The following CKAP5 variants were observed in gnomAD, a reference collection of about 807,000 sequenced individuals.
CKAP5 encodes cytoskeleton-associated protein 5.
Under a neutral mutation model 232.8 loss-of-function variants are expected in CKAP5, and 27 were observed. The ratio of observed to expected loss-of-function variants is 0.12; its 90% confidence interval spans 0.09 to 0.16. The LOEUF (loss-of-function observed/expected upper bound fraction) is 0.16, where lower values mean the gene tolerates loss of function less well. Among genes scored for constraint, CKAP5 ranks in the 10% least tolerant of loss-of-function variants. The pLI is 1.00. For synonymous variants in CKAP5, 785 were observed against 841.1 expected (o/e 0.93, Z 1.16); for missense variants, 1,838 against 2,424.7 (o/e 0.76, Z 5.08).
chr11:46,743,779 G>A lies in CKAP5; in HGVS notation c.*244C>T. On this transcript the variant is annotated 3_prime_UTR_variant, in exon 44 of 44. Coordinates refer to ENST00000529230, the MANE Select transcript of CKAP5 (RefSeq NM_001008938.4). ...TGGGAACTAGACTGAGCAGAGAGGG[G>A]GCAGCTGTTTACAAGTCTGTACACT... The A allele has an allele frequency of 1.9e-6, 1 of 518,354 alleles. No homozygotes were observed. The highest frequency in any genetic ancestry group is 3.5e-6 in the Non-Finnish European group (1 of 287,680). 32.1% of individuals were successfully genotyped at this position (518,354 alleles called of 1,614,324 possible).
intron 9 of CKAP5, among the ~76,000 whole-genome samples, chr11:46,800,667 A>G (rs1346529411): frequency 6.6e-6 from 1 of 152,246 alleles, no homozygotes; most frequent in African/African-American, 2.4e-5. Context: ...TTTTCTTTGA[A>G]TAAGTAAAAC....
intron 18 of CKAP5, among the ~76,000 whole-genome samples, chr11:46,782,027 G>C (rs2065347012): frequency 1.3e-5 from 2 of 152,036 alleles, no homozygotes; most frequent in African/African-American, 4.8e-5. Context: ...GTTTCTCCAT[G>C]TTGGTCAGGC....
rs1165882925 is a variant in CKAP5 at position 46,822,738 on chromosome 11, T to TC, written c.-37-1471dup. On this transcript the variant is annotated intron_variant, in intron 1 of 43. Coordinates refer to ENST00000529230, the MANE Select transcript of CKAP5 (RefSeq NM_001008938.4). ...ACTCCAGCCTGGGCAACAGACTCCG[T>TC]CCCAAAAAAAAAAAAAAAAAAAAAA... Among the ~76,000 whole-genome samples the TC allele has an allele frequency of 7.7e-4, 28 of 36,504 alleles. 1 individual carries two copies. The highest frequency in any genetic ancestry group is 2.1e-3 in the African/African-American group (25 of 12,100). 23.9% of individuals were successfully genotyped at this position (36,504 alleles called of 152,430 possible). A position where few individuals can be genotyped will look rare whatever the true frequency, so the allele number is the denominator to read the frequency against.
intron 34 of CKAP5, 21 bp from the exon 35 acceptor site, chr11:46,759,064 A>G (rs2065134600): frequency 6.2e-7 from 1 of 1,611,608 alleles, no homozygotes; most frequent in Admixed American, 1.7e-5. Context: ...GAACAAAGAG[A>G]AAACTTCAAC....
chr11:46,843,076 GA>G (rs1442763012), intron 1 of CKAP5, among the ~76,000 whole-genome samples: 2 of 151,950 alleles, frequency 1.3e-5, no homozygotes, highest in African/African-American at 4.8e-5. Flanking sequence ...TTGAGCCCAG[GA>G]GTTCAAGACT....
At chr11:46,758,786 G>A (rs1026972125) in intron 35 of CKAP5, 137 bp downstream of exon 35, 13 of 900,152 alleles carry the variant, frequency 1.4e-5, no homozygotes, top group Non-Finnish European at 2.0e-5. Flanking sequence ...AGTGGCACCT[G>A]TGCATTTCTT....
intron 18 of CKAP5, among the ~76,000 whole-genome samples, chr11:46,782,820 C>T (rs1042649966): frequency 1.3e-5 from 2 of 152,146 alleles, no homozygotes; most frequent in African/African-American, 4.8e-5. Context: ...ATAAAGTAAA[C>T]TGTATAAAGT....
At chr11:46,782,154 CTCTA>C (rs1216766008) in intron 18 of CKAP5, among the ~76,000 whole-genome samples, 3 of 151,834 alleles carry the variant, frequency 2.0e-5, no homozygotes, top group Non-Finnish European at 4.4e-5. Flanking sequence ...GTCTCTCTCT[CTCTA>C]TATATATATT....
chr11:46,819,623 T>C (rs1939481808), intron 2 of CKAP5, among the ~76,000 whole-genome samples: 1 of 152,208 alleles, frequency 6.6e-6, no homozygotes, highest in Non-Finnish European at 1.5e-5. Context: ...AATTTACATG[T>C]TATTTGTTTA....
At chr11:46,797,009 A>G in intron 11 of CKAP5, 69 bp from the exon 12 acceptor site, 1 of 1,538,272 alleles carries the variant, frequency 6.5e-7, no homozygotes, top group Non-Finnish European at 8.9e-7. Flanking sequence ...TTTAATTCAG[A>G]CTGATGGTTG....
chr11:46,795,808 A>C (rs1938858749), intron 12 of CKAP5, 32 bp from the exon 13 acceptor site: 11 of 1,574,752 alleles, frequency 7.0e-6, no homozygotes, highest in Non-Finnish European at 7.8e-6. Context: ...AACATCATTA[A>C]GCCCAACTTT....
intron 37 of CKAP5, 33 bp downstream of exon 37, chr11:46,753,277 C>T: frequency 6.5e-7 from 1 of 1,533,934 alleles, no homozygotes; most frequent in Non-Finnish European, 8.8e-7. Flanking sequence ...GCGAGGATGC[C>T]CCAGGCTCTA....
At position 46,795,770 on chromosome 11, in the gene CKAP5, C is replaced by T. The variant is rs1459269840; in HGVS notation, c.1474G>A (p.Glu492Lys). ...ATCAGTTCTACCTTTTCTGAACATTCTTTGATCTGGAGAATGAAAGTGAGA... is the reference window on the plus strand; with the variant it reads ...ATCAGTTCTACCTTTTCTGAACATTTTTTGATCTGGAGAATGAAAGTGAGA... ...VDKLKLDKIK[E>K]CSEKVELIHG... The change falls in exon 13 of 44, where the codon GAA (glutamate) becomes AAA (lysine). Residue 492 changes from glutamate (E) to lysine (K), a missense_variant. Coordinates refer to ENST00000529230, the MANE Select transcript of CKAP5 (RefSeq NM_001008938.4). The T allele has an allele frequency of 6.2e-7, 1 of 1,612,876 alleles. No homozygotes were observed. Among genetic ancestry groups the T allele is most frequent in the South Asian group, 1.1e-5 (1 of 91,002 alleles).
chr11:46,790,020 C>T (rs1018894605), intron 15 of CKAP5, 56 bp downstream of exon 15: 10 of 1,145,544 alleles, frequency 8.7e-6, no homozygotes, highest in East Asian at 4.8e-5. Flanking sequence ...TCATCAATTT[C>T]GCTGCTTCCA....
At chr11:46,787,439 T>A (rs1457484399) in intron 16 of CKAP5, among the ~76,000 whole-genome samples, 1 of 152,106 alleles carries the variant, frequency 6.6e-6, no homozygotes, top group Non-Finnish European at 1.5e-5. Context: ...GAAGGAAACT[T>A]TTTCTCATTT....
In CKAP5 at chr11:46,743,103, C is replaced by A. The variant is rs1170619801; in HGVS notation, c.*920G>T. On this transcript the variant is annotated 3_prime_UTR_variant, in exon 44 of 44. Transcript: ENST00000529230. ...TAGCCTGGACCAAAAGAGACTCATA[C>A]AACCAAGCAGCAAACCACTAAGATT... 6.6e-6 allele frequency: 1 copy of A among 152,208 alleles called. No individual in the cohort carries two copies. Among genetic ancestry groups the A allele is most frequent in the Admixed American group, 6.5e-5 (1 of 15,272 alleles). The allele number at this position is 152,208 out of a possible 1,614,324, so 9.4% of individuals were successfully genotyped here.
intron 27 of CKAP5, among the ~76,000 whole-genome samples, chr11:46,767,106 C>T (rs2065208751): frequency 6.6e-6 from 1 of 151,986 alleles, no homozygotes; most frequent in Non-Finnish European, 1.5e-5. Context: ...ACTGCAACCT[C>T]CACCTCCTGG....
At chr11:46,754,546 C>G (rs976368816) in intron 36 of CKAP5, among the ~76,000 whole-genome samples, 1 of 152,146 alleles carries the variant, frequency 6.6e-6, no homozygotes, top group Non-Finnish European at 1.5e-5. Flanking sequence ...TATTTCAACA[C>G]ATGTATACAA....
Position 46,751,160 on chromosome 11 carries a change from C to T in CKAP5, c.5418G>A (p.Gly1806=), listed in dbSNP as rs1234755677. 6.2e-7 allele frequency: 1 copy of T among 1,614,138 alleles called. No individual in the cohort carries two copies. The highest frequency in any genetic ancestry group is 8.5e-7 in the Non-Finnish European group (1 of 1,180,004). ...TTTCTGTTTCCTTATCAGACTTGCT[C>T]CCAGTCTGGTCCATACTGTGCTTCA... ...RMMKHSMDQT[G]SKSDKETEKG... is the part of the protein sequence containing the mutation. Residue 1806 remains glycine, a synonymous_variant, in exon 40 of 44, where the codon GGG becomes GGA. Coordinates refer to ENST00000529230, the MANE Select transcript of CKAP5 (RefSeq NM_001008938.4).
Sources: allele counts gnomAD v4.1 joint callset (sites outside exome capture counted in the v4.1 genomes callset), GRCh38; gene constraint gnomAD v4.1.1; transcripts MANE v1.5; gene names NCBI Gene and HGNC (gene_info 2026-07-23, HGNC 2026-07-21).